BBX: variants seen among roughly 807,000 people sequenced by gnomAD.
BBX encodes the protein HMG box transcription factor BBX.
BBX carries 30 observed loss-of-function variants against 100.2 expected under a neutral mutation model. The observed-to-expected ratio is 0.30, with a 90% CI of 0.22 to 0.41. BBX has a LOEUF of 0.41. BBX is among the 10% of genes least tolerant of loss of function. The pLI is 1.00. For missense variants in BBX, 1,023 were observed against 1,129.8 expected, an observed-to-expected ratio of 0.91 and a Z score of 1.35; for synonymous variants, 376 against 388.1, an observed-to-expected ratio of 0.97 and a Z score of 0.37.
At chr3:107,612,505 T>C (rs760300791) in intron 2 of BBX, among the ~76,000 whole-genome samples, 10 of 152,198 alleles carry the variant, frequency 6.6e-5, no homozygotes, top group Non-Finnish European at 1.3e-4. Flanking sequence ...GTAGAGGTAC[T>C]ACCTTGGTGA....
At chr3:107,712,470 C>T (rs1279835417) in intron 4 of BBX, among the ~76,000 whole-genome samples, 2 of 152,206 alleles carry the variant, frequency 1.3e-5, no homozygotes, top group Non-Finnish European at 2.9e-5. Context: ...GCAACATTCC[C>T]ATTTGTCCGA....
At chr3:107,551,054 C>T (rs1576273212) in intron 2 of BBX, among the ~76,000 whole-genome samples, 1 of 152,098 alleles carries the variant, frequency 6.6e-6, no homozygotes, top group East Asian at 1.9e-4. Context: ...CTCCTAGGAG[C>T]TCTTATAAAA....
intron 3 of BBX, among the ~76,000 whole-genome samples, chr3:107,666,941 A>C (rs2058783861): frequency 1.3e-5 from 2 of 152,142 alleles, no homozygotes. Context: ...TACACATAAA[A>C]CACTCAAGAT....
At chr3:107,667,606 G>A (rs957431107) in intron 3 of BBX, among the ~76,000 whole-genome samples, 1 of 151,724 alleles carries the variant, frequency 6.6e-6, no homozygotes, top group South Asian at 2.1e-4. Context: ...GATAGATTCT[G>A]TATTGGATGG....
chr3:107,749,987 A>T (rs2107641712), intron 9 of BBX, among the ~76,000 whole-genome samples: 1 of 152,274 alleles, frequency 6.6e-6, no homozygotes, highest in East Asian at 1.9e-4. Context: ...CTCCTGAAGC[A>T]CTGGGGACAG....
At chr3:107,670,859 C>T (rs926910308) in intron 3 of BBX, among the ~76,000 whole-genome samples, 1 of 152,020 alleles carries the variant, frequency 6.6e-6, no homozygotes, top group Non-Finnish European at 1.5e-5. Context: ...ACATCTCTAC[C>T]TCGGCACTCC....
intron 2 of BBX, among the ~76,000 whole-genome samples, chr3:107,533,291 T>C (rs1469478960): frequency 6.6e-6 from 1 of 152,108 alleles, no homozygotes; most frequent in East Asian, 1.9e-4. Context: ...GTTGGTAGAG[T>C]GAAATTCTCT....
chr3:107,719,310 G>A (rs1213364969), intron 5 of BBX, among the ~76,000 whole-genome samples: 1 of 151,954 alleles, frequency 6.6e-6, no homozygotes, highest in Non-Finnish European at 1.5e-5. Context: ...GAATGCTTAG[G>A]TGGTATTTGC....
Position 107,524,812 on chromosome 3 carries a change from G to C in BBX, c.-155-1515G>C, listed in dbSNP as rs1434270718. Among the ~76,000 whole-genome samples, 15 of 137,106 alleles carry C rather than the reference G, an allele frequency of 1.1e-4. 1 individual carries two copies. The East Asian group carries it at 3.6e-3, about 33-fold the overall frequency. The allele number at this position is 137,106 out of a possible 152,430, so 89.9% of individuals were successfully genotyped here. ...GAGGTGGGGTGGAGGTGGGGGGGGG[G>C]GCGAAGGGGAAGGTGGGTGGAGGTT... On this transcript the variant is annotated intron_variant, in intron 1 of 17. Coordinates refer to ENST00000325805, the MANE Select transcript of BBX (RefSeq NM_001142568.3).
At position 107,773,431 on chromosome 3, in the gene BBX, G is replaced by A. The variant is rs752290930; in HGVS notation, c.1710G>A (p.Glu570=). The change falls in exon 11 of 18, where the codon GAG becomes GAA. Residue 570 remains glutamate (E), a synonymous_variant. Transcript: ENST00000325805. This position sits in a 1 kb window ranked among gnomAD's most constrained non-coding sequence, Gnocchi z 4.1. ...ASKNISGETP[E]GIKAEPLTPM... ...AGAACATTTCTGGTGAGACACCAGAGGGTATAAAAGCAGAACCATTGACCC... is the reference window on the plus strand; with the variant it reads ...AGAACATTTCTGGTGAGACACCAGAAGGTATAAAAGCAGAACCATTGACCC... The A allele has an allele frequency of 1.2e-6, 2 of 1,614,086 alleles. No homozygotes were observed. Among genetic ancestry groups the A allele is most frequent in the African/African-American group, 2.7e-5 (2 of 75,040 alleles).
chr3:107,736,525 T>C (rs1005068712), intron 7 of BBX, among the ~76,000 whole-genome samples: 2 of 152,002 alleles, frequency 1.3e-5, no homozygotes, highest in African/African-American at 4.8e-5. Context: ...AGGCAGAGAA[T>C]TAAGCCTTTA....
rs147028917 is a variant in BBX, at chr3:107,740,098, T to C, written c.670-4532T>C. 2.2e-3 allele frequency among the ~76,000 whole-genome samples: 327 copies of C among 152,088 alleles called. 2 individuals carry two copies. Among genetic ancestry groups the C allele is most frequent in the African/African-American group, 7.5e-3 (313 of 41,496 alleles). ...CTGCTTGTGGGAGAGCTCAACTCTA[T>C]GTGGTGCTGTTGGGTTATGCCCCCC... On this transcript the variant is annotated intron_variant, in intron 7 of 17. Coordinates refer to ENST00000325805, the MANE Select transcript of BBX (RefSeq NM_001142568.3).
rs1174614807 is a variant in BBX at position 107,779,632 on chromosome 3, T to A, written c.2203+1113T>A. ...TCAAATCAGATTAATTCCACTCTTT[T>A]GTATTTTAAATAGACCAATTAATCG... On this transcript the variant is annotated intron_variant, in intron 13 of 17. Coordinates refer to ENST00000325805, the MANE Select transcript of BBX (RefSeq NM_001142568.3). 2.6e-5 allele frequency among the ~76,000 whole-genome samples: 4 copies of A among 152,156 alleles called. No individual in the cohort carries two copies. The East Asian group carries it at 7.7e-4, about 29-fold the overall frequency.
At chr3:107,583,964 T>TTA (rs369652252) in intron 2 of BBX, among the ~76,000 whole-genome samples, 3,451 of 74,536 alleles carry the variant, frequency 0.046, 198 homozygotes, top group Admixed American at 0.068. Flanking sequence ...ATTATATATA[T>TTA]TATATATATT....
intron 2 of BBX, among the ~76,000 whole-genome samples, chr3:107,550,945 C>T (rs1440711082): frequency 6.6e-6 from 1 of 152,152 alleles, no homozygotes; most frequent in Non-Finnish European, 1.5e-5. Context: ...ATTTTGAATG[C>T]CTCCTTTTGC....
intron 3 of BBX, among the ~76,000 whole-genome samples, chr3:107,672,021 G>T (rs1283787157): frequency 6.6e-6 from 1 of 152,002 alleles, no homozygotes; most frequent in Non-Finnish European, 1.5e-5. Context: ...AATTTTTGAA[G>T]TTTTGATATC....
chr3:107,541,699 AAATT>A (rs2048878641), intron 2 of BBX, among the ~76,000 whole-genome samples: 1 of 152,168 alleles, frequency 6.6e-6, no homozygotes, highest in Non-Finnish European at 1.5e-5. Flanking sequence ...GTTACAATGA[AAATT>A]AATTAGAGAA....
At chr3:107,734,944 G>A (rs540734851) in intron 7 of BBX, among the ~76,000 whole-genome samples, 1 of 152,218 alleles carries the variant, frequency 6.6e-6, no homozygotes, top group South Asian at 2.1e-4. Context: ...ATTGAAAGAA[G>A]GGAACCATAA....
At chr3:107,649,626 G>A (rs908053841) in intron 3 of BBX, among the ~76,000 whole-genome samples, 11 of 145,926 alleles carry the variant, frequency 7.5e-5, no homozygotes, top group Non-Finnish European at 7.6e-5. Flanking sequence ...ATAGACATCC[G>A]ACAGTGCATA....
Sources: allele counts gnomAD v4.1 joint callset (sites outside exome capture counted in the v4.1 genomes callset), GRCh38; gene constraint gnomAD v4.1.1; non-coding constraint Gnocchi (gnomAD v3.1); transcripts MANE v1.5; gene names NCBI Gene and HGNC (gene_info 2026-07-23, HGNC 2026-07-21).